Variants in RRBP1 observed in about 807,000 individuals in gnomAD.
RRBP1 encodes the protein ribosome binding protein 1.
In RRBP1, 94 loss-of-function variants were observed where a neutral mutation model predicts 165.2. The ratio of observed to expected loss-of-function variants is 0.57; its 90% CI spans 0.48 to 0.68. RRBP1 has a LOEUF of 0.68. Ranked by LOEUF, RRBP1 falls within the 30% of genes least tolerant of loss-of-function variation. RRBP1 has a pLI of 0.00. For missense variants in RRBP1, 1,676 were observed against 1,763.0 expected (o/e 0.95, Z 0.88); for synonymous variants, 680 against 714.5 (o/e 0.95, Z 0.77).
At chr20:17,651,616 T>C (rs2036559853) in intron 3 of RRBP1, among the ~76,000 whole-genome samples, 3 of 152,204 alleles carry the variant, frequency 2.0e-5, no homozygotes, top group East Asian at 3.9e-4. Flanking sequence ...CGTTTGTGGG[T>C]GCCCATGTGA....
chr20:17,615,086 A>C (rs1469200224), intron 23 of RRBP1, among the ~76,000 whole-genome samples: 1 of 152,158 alleles, frequency 6.6e-6, no homozygotes, highest in Non-Finnish European at 1.5e-5. Flanking sequence ...TCTCAGCACC[A>C]CCAGAACTTC....
intron 16 of RRBP1, 151 bp downstream of exon 16, chr20:17,621,307 C>T: frequency 1.6e-6 from 1 of 622,298 alleles, no homozygotes; most frequent in South Asian, 1.9e-5. Flanking sequence ...GGGTGCCATC[C>T]ATTTACCATG....
intron 2 of RRBP1, among the ~76,000 whole-genome samples, chr20:17,662,156 G>A (rs999192064): frequency 2.6e-5 from 4 of 152,008 alleles, no homozygotes; most frequent in East Asian, 1.9e-4. Flanking sequence ...CAGGCTACTC[G>A]GGAGGCTGAG....
chr20:17,637,215 G>A (rs957984786), intron 5 of RRBP1, among the ~76,000 whole-genome samples: 1 of 152,172 alleles, frequency 6.6e-6, no homozygotes, highest in African/African-American at 2.4e-5. Context: ...GGTAGGGCAT[G>A]CATCTCTGCA....
In RRBP1 at chr20:17,614,734, C is replaced by A. The variant is rs764124517; in HGVS notation, c.4194+3G>T. 6.2e-7 allele frequency: 1 copy of A among 1,611,364 alleles called. No individual in the cohort carries two copies. Among genetic ancestry groups the A allele is most frequent in the Non-Finnish European group, 8.5e-7 (1 of 1,179,996 alleles). On this transcript the variant is annotated splice_donor_region_variant and intron_variant, in intron 24 of 24. Coordinates refer to ENST00000377813, the MANE Select transcript of RRBP1 (RefSeq NM_001365613.2). Reference sequence around the variant, plus strand: ...CCGCCCTGCTTTGGCGCCAGGCACGCACTGCCTTTTCCAGCTGTTCCTGCA... The same window carrying A: ...CCGCCCTGCTTTGGCGCCAGGCACGAACTGCCTTTTCCAGCTGTTCCTGCA...
In RRBP1 at chr20:17,620,306, G is replaced by A. The variant is rs999955930; in HGVS notation, c.3572C>T (p.Ser1191Leu). 7.4e-6 allele frequency: 12 copies of A among 1,612,760 alleles called. No individual in the cohort carries two copies. The highest frequency in any genetic ancestry group is 1.7e-5 in the Admixed American group (1 of 60,004). The change falls in exon 18 of 25, where the codon TCG (serine) becomes TTG (leucine). Residue 1191 changes from serine (S) to leucine (L), a missense_variant. Around this residue, in one of 5 missense-constraint regions of RRBP1, gnomAD observed 1,184 missense variants for 1,167.1 expected, o/e 1.01. Transcript: ENST00000377813. ...TCTGAGCAGAGCACATACCTGGTCC[G>A]AACTTTCAAGTTCTCCTTTTAGCTT... The part of the protein sequence containing the change: ...VEKLKGELES[S>L]DQVREHTSHL...
At position 17,659,981 on chromosome 20, in the gene RRBP1, T is replaced by A; in HGVS notation, c.527A>T (p.Glu176Val). 1 of 1,609,210 alleles carries A rather than the reference T, an allele frequency of 6.2e-7. No individual in the cohort carries two copies. Among genetic ancestry groups the A allele is most frequent in the Non-Finnish European group, 8.5e-7 (1 of 1,177,500 alleles). ...TGGGGGCACCACCACCATCGGCACC[T>A]CCTTGGGAGCAGTTTCCAAGATGGC... ...KAAILETAPK[E>V]VPMVVVPPVG... is the part of the protein sequence containing the mutation. The change falls in exon 3 of 25, where the codon GAG becomes GTG. Residue 176 changes from glutamate (E) to valine (V), a missense_variant. This residue lies in a region of RRBP1 where 392 missense variants were observed against 382.5 expected (regional missense o/e 1.02). Transcript: ENST00000377813.
Position 17,615,530 on chromosome 20 carries a change from C to A in RRBP1, c.3952-1G>T. 1 of 1,602,142 alleles carries A rather than the reference C, an allele frequency of 6.2e-7. No individual in the cohort carries two copies. Among genetic ancestry groups the A allele is most frequent in the South Asian group, 1.1e-5 (1 of 89,012 alleles). ...GTAACCGACATGCCGAGGTCTGAGC[C>A]TTGCCGGAGAGGGAAGTGAGGTCTG... On this transcript the variant is annotated splice_acceptor_variant, in intron 22 of 24. Transcript: ENST00000377813. LOFTEE classifies it high-confidence loss of function.
At chr20:17,667,960 C>T (rs377201742) in intron 2 of RRBP1, among the ~76,000 whole-genome samples, 1 of 152,196 alleles carries the variant, frequency 6.6e-6, no homozygotes, top group African/African-American at 2.4e-5. Flanking sequence ...CACTTGTCTT[C>T]CGGCATTTTC....
At chr20:17,649,953 C>T (rs1054375713) in intron 3 of RRBP1, among the ~76,000 whole-genome samples, 4 of 152,066 alleles carry the variant, frequency 2.6e-5, no homozygotes, top group African/African-American at 4.8e-5. Context: ...GGCTGGGACA[C>T]GCACTGGCCT....
At chr20:17,653,712 T>C (rs374248658) in intron 3 of RRBP1, among the ~76,000 whole-genome samples, 3 of 151,830 alleles carry the variant, frequency 2.0e-5, no homozygotes, top group African/African-American at 7.3e-5. Context: ...TGGGTGCCTG[T>C]AATCCCAGCT....
rs147451912 is a variant in RRBP1, at chr20:17,620,366, C to T, written c.3512G>A (p.Arg1171Gln). The T allele has an allele frequency of 3.8e-5, 61 of 1,613,588 alleles. No individual in the cohort carries two copies. The East Asian group carries it at 8.2e-4, about 22-fold the overall frequency. The change falls in exon 18 of 25, where the codon CGG (arginine) becomes CAG (glutamine). Residue 1171 changes from arginine (R) to glutamine (Q), a missense_variant. Physicochemically the swap from Arg to Gln is conservative, Grantham distance 43. This residue lies in a region of RRBP1 where 1,184 missense variants were observed against 1,167.1 expected (regional missense o/e 1.01). Transcript: ENST00000377813. ...GAAEEELQKSRVTVKHLEEIV... is the reference protein window; with the variant it reads ...GAAEEELQKSQVTVKHLEEIV... ...CTCTTCGAGATGCTTCACTGTGACC[C>T]GGGACTACAAAGCAAGGGGAAGGCT...
At chr20:17,653,821 G>A (rs565549438) in intron 3 of RRBP1, among the ~76,000 whole-genome samples, 13 of 142,220 alleles carry the variant, frequency 9.1e-5, no homozygotes, top group Admixed American at 2.9e-4. Flanking sequence ...GTGACAGAGC[G>A]AGACTCCATC....
At chr20:17,673,109 TGTATATATTTTACTTTAATAAAGA>T (rs1484439113) in intron 2 of RRBP1, among the ~76,000 whole-genome samples, 1 of 152,244 alleles carries the variant, frequency 6.6e-6, no homozygotes, top group Non-Finnish European at 1.5e-5. Flanking sequence ...TGCATTTTTC[TGTATATATTTTACTTTAATAAAGA>T]GTTTAAAATG....
At chr20:17,670,513 AATTCT>A in intron 2 of RRBP1, among the ~76,000 whole-genome samples, 1 of 151,204 alleles carries the variant, frequency 6.6e-6, no homozygotes, top group African/African-American at 2.4e-5. Context: ...CCCCCAAATT[AATTCT>A]ATTATCCCTT....
In RRBP1 at chr20:17,625,503, C is replaced by G. The variant is rs185800521; in HGVS notation, c.3054+9G>C. The G allele has an allele frequency of 1.2e-6, 2 of 1,612,878 alleles. No individual in the cohort carries two copies. The highest frequency in any genetic ancestry group is 1.7e-6 in the Non-Finnish European group (2 of 1,179,304). On this transcript the variant is annotated intron_variant, in intron 12 of 24. Transcript: ENST00000377813. ...CCCGTCCGTCCCCGCCTGTGCCTGC[C>G]GCACTCACATTGTTCTTCACTTTCT...
Position 17,659,379 on chromosome 20 carries a change from T to G in RRBP1, c.1129A>C (p.Asn377His). ...NQGKKAEGAQ[N>H]QGKKAEGAQN... Reference sequence around the variant, plus strand: ...GCCCCCTCGGCCTTTTTGCCCTGGTTCTGAGCCCCCTCAGCCTTCTTGCCC... The same window carrying G: ...GCCCCCTCGGCCTTTTTGCCCTGGTGCTGAGCCCCCTCAGCCTTCTTGCCC... The change falls in exon 3 of 25, where the codon AAC (asparagine) becomes CAC (histidine). Residue 377 changes from asparagine to histidine, a missense_variant. Physicochemically the swap from Asn to His is moderately conservative, Grantham distance 68. Coordinates refer to ENST00000377813, the MANE Select transcript of RRBP1 (RefSeq NM_001365613.2). 1 of 1,535,760 alleles carries G rather than the reference T, an allele frequency of 6.5e-7. No homozygotes were observed.
In RRBP1 at chr20:17,627,656, C is replaced by A; in HGVS notation, c.2776G>T (p.Glu926Ter). Residue 926 changes from glutamate to a stop codon, truncating the protein, a stop_gained, in exon 10 of 25, where the codon GAG becomes TAG. Coordinates refer to ENST00000377813, the MANE Select transcript of RRBP1 (RefSeq NM_001365613.2). LOFTEE classifies it high-confidence loss of function. ...AELHSKLQSS[E>*]AEVRSKCEEL... The stretch of plus-strand genomic sequence containing the variant: ...TCGCATTTGCTGCGCACCTCCGCCT[C>A]GGAGGACTGTAACTTGCTGTGCAGC... The A allele has an allele frequency of 6.2e-7, 1 of 1,608,890 alleles. No homozygotes were observed.
chr20:17,616,763 T>G lies in RRBP1; in HGVS notation c.3836A>C (p.Glu1279Ala). 1 of 1,612,342 alleles carries G rather than the reference T, an allele frequency of 6.2e-7. No homozygotes were observed. Among genetic ancestry groups the G allele is most frequent in the Non-Finnish European group, 8.5e-7 (1 of 1,179,440 alleles). ...GGGGTCCTGCTCGGCTGGGGGCGCC[T>G]CTGGGGAGGAAGCTGGGGCCCCAGC... is the stretch of plus-strand genomic sequence containing the variant. ...DIAGAPASSP[E>A]APPAEQDPVQ... Residue 1279 changes from glutamate to alanine, a missense_variant, in exon 21 of 25, where the codon GAG (glutamate) becomes GCG (alanine). This residue lies in a region of RRBP1 where 1,184 missense variants were observed against 1,167.1 expected (regional missense o/e 1.01). Coordinates refer to ENST00000377813, the MANE Select transcript of RRBP1 (RefSeq NM_001365613.2).
Sources: allele counts gnomAD v4.1 joint callset (sites outside exome capture counted in the v4.1 genomes callset), GRCh38; gene constraint gnomAD v4.1.1; regional missense constraint gnomAD v4.1.1; transcripts MANE v1.5; gene names NCBI Gene and HGNC (gene_info 2026-07-23, HGNC 2026-07-21).